CCNY: variants seen among roughly 807,000 people sequenced by gnomAD.
CCNY encodes the protein cyclin Y.
A neutral mutation model predicts 42.8 loss-of-function variants in CCNY; 19 were observed. That is an observed-to-expected ratio of 0.44 (90% CI 0.31 to 0.65). The LOEUF (loss-of-function observed/expected upper bound fraction) is 0.65, where lower values mean the gene tolerates loss of function less well. CCNY is among the 30% of genes least tolerant of loss of function. CCNY has a pLI of 0.07. For missense variants in CCNY, 370 were observed against 437.3 expected, an observed-to-expected ratio of 0.85 and a Z score of 1.37; for synonymous variants, 165 against 162.7, an observed-to-expected ratio of 1.01 and a Z score of -0.11.
chr10:35,337,039 G>C lies in CCNY; in HGVS notation c.-15G>C. Reference sequence around the variant, plus strand: ...GGAGAACAGGATAGCAGCAGGAGTCGGGGGGCCGCCGAAGATGGGGAACAC... The same window carrying C: ...GGAGAACAGGATAGCAGCAGGAGTCCGGGGGCCGCCGAAGATGGGGAACAC... On this transcript the variant is annotated 5_prime_UTR_variant, in exon 1 of 10. Coordinates refer to ENST00000374704, the MANE Select transcript of CCNY (RefSeq NM_145012.6). The C allele has an allele frequency of 1.3e-6, 2 of 1,545,360 alleles. No individual in the cohort carries two copies. The highest frequency in any genetic ancestry group is 8.7e-7 in the Non-Finnish European group (1 of 1,144,542).
chr10:35,427,281 G>T (rs963539696), intron 1 of CCNY, among the ~76,000 whole-genome samples: 1 of 152,208 alleles, frequency 6.6e-6, no homozygotes, highest in African/African-American at 2.4e-5. Flanking sequence ...AGGTGTTAGA[G>T]ATAATGCCAC....
At chr10:35,446,801 G>C (rs1181603094) in intron 1 of CCNY, among the ~76,000 whole-genome samples, 1 of 152,184 alleles carries the variant, frequency 6.6e-6, no homozygotes, top group East Asian at 1.9e-4. Flanking sequence ...TCCCAGGGCT[G>C]TTCGTTGTTC....
At chr10:35,436,255 T>C (rs1029502896) in intron 1 of CCNY, among the ~76,000 whole-genome samples, 3 of 152,174 alleles carry the variant, frequency 2.0e-5, no homozygotes, top group Non-Finnish European at 2.9e-5. Flanking sequence ...TGTGCGGTGG[T>C]GGGATGCAGT....
chr10:35,527,274 T>G lies in CCNY; in HGVS notation c.401+1275T>G, dbSNP rs192434051. ...TTTATCTTGTTGCCTATTTCTATAC[T>G]AGTTCAAACCTTTTAAACTTGTAAG... On this transcript the variant is annotated intron_variant, in intron 5 of 9. Coordinates refer to ENST00000374704, the MANE Select transcript of CCNY (RefSeq NM_145012.6). Among the ~76,000 whole-genome samples the G allele has an allele frequency of 6.6e-5, 10 of 152,200 alleles. No individual in the cohort carries two copies. The East Asian group carries it at 1.9e-3, about 29-fold the overall frequency.
At chr10:35,484,585 A>G (rs763474079) in intron 2 of CCNY, among the ~76,000 whole-genome samples, 4 of 152,130 alleles carry the variant, frequency 2.6e-5, no homozygotes, top group Non-Finnish European at 4.4e-5. Context: ...CTGGATACAA[A>G]AGAAACATTT....
At chr10:35,517,551 A>G (rs1335045773) in intron 4 of CCNY, among the ~76,000 whole-genome samples, 1 of 152,184 alleles carries the variant, frequency 6.6e-6, no homozygotes, top group African/African-American at 2.4e-5. Flanking sequence ...GAGTATGACC[A>G]CATGTGATGA....
chr10:35,561,439 T>A (rs1165264857), intron 8 of CCNY, among the ~76,000 whole-genome samples: 1 of 152,224 alleles, frequency 6.6e-6, no homozygotes, highest in Admixed American at 6.5e-5. Context: ...ACTGGGCCCA[T>A]ACTGTACGCG....
At chr10:35,457,527 T>C (rs1839063478) in intron 1 of CCNY, among the ~76,000 whole-genome samples, 1 of 152,224 alleles carries the variant, frequency 6.6e-6, no homozygotes, top group African/African-American at 2.4e-5. Context: ...ATTTATATGT[T>C]TAATCTCCAT....
chr10:35,479,319 C>A (rs529426704), intron 1 of CCNY, among the ~76,000 whole-genome samples: 2 of 149,122 alleles, frequency 1.3e-5, no homozygotes, highest in Non-Finnish European at 3.0e-5. Flanking sequence ...ATGTTTATTG[C>A]GGCATTATTC....
rs1160550895 is a variant in CCNY at position 35,397,075 on chromosome 10, C to G, written c.154+59868C>G. Among the ~76,000 whole-genome samples the G allele has an allele frequency of 2.6e-5, 4 of 152,212 alleles. No homozygotes were observed. In the East Asian group the frequency reaches 7.7e-4, roughly 29 times the overall value. On this transcript the variant is annotated intron_variant, in intron 1 of 9. Coordinates refer to ENST00000374704, the MANE Select transcript of CCNY (RefSeq NM_145012.6). ...GCCCCTTGGACCCCACACTTTACCA[C>G]ATAGCCCTGTTCTTCCTAGGGCTGG...
chr10:35,506,451 A>G (rs1419766237), intron 3 of CCNY, among the ~76,000 whole-genome samples: 3 of 152,188 alleles, frequency 2.0e-5, no homozygotes, highest in African/African-American at 7.2e-5. Flanking sequence ...TGATAATGTT[A>G]CACACACTGG....
chr10:35,335,193 T>C (rs1835998143), upstream of CCNY, among the ~76,000 whole-genome samples: 3 of 151,908 alleles, frequency 2.0e-5, no homozygotes, highest in South Asian at 6.2e-4. Flanking sequence ...ATGGCTGGCA[T>C]TGTGGGCGTC....
At chr10:35,337,546 G>C (rs990289483) in intron 1 of CCNY, among the ~76,000 whole-genome samples, 1 of 152,208 alleles carries the variant, frequency 6.6e-6, no homozygotes, top group Non-Finnish European at 1.5e-5. Flanking sequence ...CCGGGAGCTC[G>C]GGGTTCCCGG....
intron 1 of CCNY, among the ~76,000 whole-genome samples, chr10:35,359,510 T>C (rs1201773802): frequency 6.6e-6 from 1 of 151,600 alleles, no homozygotes; most frequent in East Asian, 1.9e-4. Context: ...ATTATTATTA[T>C]TATTTTTTTT....
chr10:35,378,256 G>A (rs1044462596), intron 1 of CCNY, among the ~76,000 whole-genome samples: 1 of 152,128 alleles, frequency 6.6e-6, no homozygotes, highest in African/African-American at 2.4e-5. Context: ...AATCACATTT[G>A]CTAATATCAT....
intron 1 of CCNY, among the ~76,000 whole-genome samples, chr10:35,482,883 G>A (rs1839704791): frequency 6.6e-6 from 1 of 151,890 alleles, no homozygotes; most frequent in African/African-American, 2.4e-5. Flanking sequence ...CATGTCTGGG[G>A]CCCAGATTAG....
intron 4 of CCNY, among the ~76,000 whole-genome samples, chr10:35,522,882 G>A (rs558327197): frequency 4.9e-4 from 74 of 152,268 alleles, no homozygotes; most frequent in Non-Finnish European, 6.9e-4. Context: ...TGCCTTCACC[G>A]GTGAGGCCCC....
chr10:35,515,880 A>G (rs1331321036), intron 3 of CCNY, among the ~76,000 whole-genome samples: 1 of 152,254 alleles, frequency 6.6e-6, no homozygotes, highest in Non-Finnish European at 1.5e-5. Context: ...CAGTTATGAA[A>G]GAACCTGTCA....
At chr10:35,249,651 T>C (rs1286715230) in intron 2 of CCNY, among the ~76,000 whole-genome samples, 1 of 152,238 alleles carries the variant, frequency 6.6e-6, no homozygotes, top group Non-Finnish European at 1.5e-5. Flanking sequence ...ATGACAATGA[T>C]GAAGAGAATA....
Sources: gnomAD v4.1 joint callset for allele counts (sites outside exome capture counted in the v4.1 genomes callset) on GRCh38, gnomAD v4.1.1 for gene constraint, MANE v1.5 for transcripts, NCBI Gene and HGNC (gene_info 2026-07-23, HGNC 2026-07-21) for gene names.